Variants in MMP26 observed in about 807,000 individuals in gnomAD.
MMP26 encodes the protein matrix metallopeptidase 26.
A neutral mutation model predicts 31.0 loss-of-function variants in MMP26; 33 were observed. The ratio of observed to expected loss-of-function variants is 1.06; its 90% CI spans 0.81 to 1.42. The LOEUF (loss-of-function observed/expected upper bound fraction) is 1.42, where lower values mean the gene tolerates loss of function less well. Ranked by LOEUF, MMP26 falls within the 40% of genes most tolerant of loss-of-function variation. The pLI is 0.00. For synonymous variants in MMP26, 122 were observed against 114.9 expected, an observed-to-expected ratio of 1.06 and a Z score of -0.40; for missense variants, 347 against 316.1, an observed-to-expected ratio of 1.10 and a Z score of -0.74.
intron 1 of MMP26, among the ~76,000 whole-genome samples, chr11:4,709,172 G>A (rs1302181454): frequency 6.6e-6 from 1 of 152,042 alleles, no homozygotes; most frequent in Admixed American, 6.5e-5. Flanking sequence ...AGAAAAGCAG[G>A]GTGAATTTCC....
chr11:4,854,436 G>A (rs1850020202), intron 2 of MMP26, among the ~76,000 whole-genome samples: 1 of 152,172 alleles, frequency 6.6e-6, no homozygotes, highest in Admixed American at 6.5e-5. Flanking sequence ...GGCTCGGAGG[G>A]TCCCACGCCC....
At chr11:4,852,730 G>A (rs187967516) in intron 2 of MMP26, among the ~76,000 whole-genome samples, 3 of 152,086 alleles carry the variant, frequency 2.0e-5, no homozygotes, top group Admixed American at 2.0e-4. Flanking sequence ...GTATTCAATG[G>A]AAAGAAAGCC....
At chr11:4,824,493 T>A (rs1029035992) in intron 2 of MMP26, among the ~76,000 whole-genome samples, 10 of 152,146 alleles carry the variant, frequency 6.6e-5, no homozygotes, top group African/African-American at 2.4e-4. Context: ...GCATCTTTCA[T>A]TGTTATGTGT....
At chr11:4,803,421 C>G in intron 2 of MMP26, 1 of 1,552,020 alleles carries the variant, frequency 6.4e-7, no homozygotes, top group Non-Finnish European at 8.8e-7. Flanking sequence ...TGGGGATACA[C>G]TGACCCTTTG....
chr11:4,922,336 C>T (rs1851197685), intron 2 of MMP26, among the ~76,000 whole-genome samples: 1 of 151,392 alleles, frequency 6.6e-6, no homozygotes, highest in South Asian at 2.1e-4. Context: ...TGTTTAAAAC[C>T]CTCTCCTTCT....
At chr11:4,891,935 CT>C (rs1176397397) in intron 2 of MMP26, among the ~76,000 whole-genome samples, 1 of 152,032 alleles carries the variant, frequency 6.6e-6, no homozygotes, top group Non-Finnish European at 1.5e-5. Flanking sequence ...AAATCCAGGG[CT>C]TTTTCATAGG....
chr11:4,966,761 A>G (rs373161462), intron 2 of MMP26, among the ~76,000 whole-genome samples: 1 of 152,170 alleles, frequency 6.6e-6, no homozygotes. Context: ...AGGACAAGCT[A>G]TCTTATCTGT....
chr11:4,920,422 G>A (rs1851166591), intron 2 of MMP26, among the ~76,000 whole-genome samples: 1 of 152,056 alleles, frequency 6.6e-6, no homozygotes, highest in African/African-American at 2.4e-5. Flanking sequence ...ACAAATTCCA[G>A]CTTAATTTCT....
At chr11:4,779,685 C>G (rs1353304935) in intron 2 of MMP26, among the ~76,000 whole-genome samples, 1 of 152,020 alleles carries the variant, frequency 6.6e-6, no homozygotes, top group Non-Finnish European at 1.5e-5. Context: ...ATTAGTTTAG[C>G]TAAGTCCTAT....
chr11:4,765,362 T>C (rs916845931), intron 1 of MMP26, among the ~76,000 whole-genome samples: 1 of 152,258 alleles, frequency 6.6e-6, no homozygotes. Flanking sequence ...TACCCAAACT[T>C]CCTTCCTTCC....
intron 1 of MMP26, among the ~76,000 whole-genome samples, chr11:4,759,111 C>CAAAAAAAAAAAA (rs989730402): frequency 1.6e-4 from 7 of 43,200 alleles, no homozygotes; most frequent in Admixed American, 2.4e-4. Flanking sequence ...CATTCCATCT[C>CAAAAAAAAAAAA]AAAAAAAAAA....
chr11:4,812,250 G>A (rs1849360130), intron 2 of MMP26, among the ~76,000 whole-genome samples: 1 of 152,220 alleles, frequency 6.6e-6, no homozygotes, highest in South Asian at 2.1e-4. Flanking sequence ...ATATGTATAT[G>A]TGTAATATAT....
At chr11:4,710,542 A>C (rs973794084) in intron 1 of MMP26, 2 of 394,818 alleles carry the variant, frequency 5.1e-6, no homozygotes, top group Non-Finnish European at 1.0e-5. Context: ...CTTCTTTACC[A>C]AGTCTTCCCT....
intron 2 of MMP26, among the ~76,000 whole-genome samples, chr11:4,926,639 A>G (rs1443789500): frequency 1.3e-5 from 2 of 152,236 alleles, no homozygotes; most frequent in Non-Finnish European, 2.9e-5. Context: ...GAGAAAAGTC[A>G]TTCTGCCTAC....
chr11:4,791,230 G>T (rs1167847650), intron 2 of MMP26, among the ~76,000 whole-genome samples: 1 of 152,216 alleles, frequency 6.6e-6, no homozygotes, highest in African/African-American at 2.4e-5. Flanking sequence ...GTGGTTAATA[G>T]TTGCGGCTAT....
intron 2 of MMP26, among the ~76,000 whole-genome samples, chr11:4,781,148 A>G (rs1470748623): frequency 1.3e-5 from 2 of 152,190 alleles, no homozygotes; most frequent in Admixed American, 1.3e-4. Flanking sequence ...CAGGCATAAG[A>G]GAATATTTTG....
intron 2 of MMP26, among the ~76,000 whole-genome samples, chr11:4,930,589 G>A (rs190265393): frequency 1.3e-5 from 2 of 152,040 alleles, no homozygotes; most frequent in East Asian, 1.9e-4. Context: ...TAAAGACTTT[G>A]CCTTACTATG....
chr11:4,861,708 T>C (rs1850162828), intron 2 of MMP26, among the ~76,000 whole-genome samples: 3 of 152,136 alleles, frequency 2.0e-5, no homozygotes, highest in Admixed American at 2.0e-4. Flanking sequence ...ACATAAAGTA[T>C]AATATAATAC....
chr11:4,936,637 G>A (rs917026320), intron 2 of MMP26, among the ~76,000 whole-genome samples: 28 of 152,114 alleles, frequency 1.8e-4, no homozygotes, highest in Non-Finnish European at 1.3e-4. Flanking sequence ...GGTATAATTA[G>A]CTGATTCTAA....
Sources: allele counts gnomAD v4.1 joint callset (sites outside exome capture counted in the v4.1 genomes callset), GRCh38; gene constraint gnomAD v4.1.1; transcripts MANE v1.5; gene names NCBI Gene and HGNC (gene_info 2026-07-23, HGNC 2026-07-21).